The following RBM26 variants were observed in gnomAD, a reference collection of about 807,000 sequenced individuals.
The protein encoded by RBM26 is RNA-binding protein 26.
RBM26 carries 30 observed loss-of-function variants against 123.6 expected under a neutral mutation model. The observed-to-expected ratio is 0.24, with a 90% CI of 0.18 to 0.33. The LOEUF (loss-of-function observed/expected upper bound fraction) is 0.33, where lower values mean the gene tolerates loss of function less well. RBM26 is among the 10% of genes least tolerant of loss of function. The probability of loss-of-function intolerance (pLI) is 1.00; values close to 1 mark genes in which losing one functional copy is unlikely to be tolerated. For synonymous variants in RBM26, 400 were observed against 404.4 expected, an observed-to-expected ratio of 0.99 and a Z score of 0.13; for missense variants, 947 against 1,203.6, an observed-to-expected ratio of 0.79 and a Z score of 3.15.
At chr13:79,340,389 T>C (rs1176564247) in intron 18 of RBM26, among the ~76,000 whole-genome samples, 1 of 152,046 alleles carries the variant, frequency 6.6e-6, no homozygotes, top group Non-Finnish European at 1.5e-5. Flanking sequence ...AATGATCAAG[T>C]TGCCAACAAG....
intron 3 of RBM26, among the ~76,000 whole-genome samples, chr13:79,375,179 A>ATT (rs201481150): frequency 3.4e-4 from 45 of 133,182 alleles, no homozygotes; most frequent in African/African-American, 1.3e-3. Context: ...ATATATATAT[A>ATT]TTTTTTTTTT....
chr13:79,348,954 T>C (rs1043757591), intron 14 of RBM26, among the ~76,000 whole-genome samples: 2 of 152,184 alleles, frequency 1.3e-5, no homozygotes, highest in Non-Finnish European at 2.9e-5. Context: ...AAAAACTGTA[T>C]AGAGATGTCC....
chr13:79,342,630 AAGTAAT>A, intron 17 of RBM26, 28 bp downstream of exon 17: 4 of 1,490,988 alleles, frequency 2.7e-6, no homozygotes, highest in Non-Finnish European at 3.7e-6. Context: ...GCTTGTTAAT[AAGTAAT>A]AATATGAACA....
At chr13:79,350,013 T>C (rs908374430) in intron 14 of RBM26, among the ~76,000 whole-genome samples, 2 of 152,174 alleles carry the variant, frequency 1.3e-5, no homozygotes, top group Non-Finnish European at 2.9e-5. Flanking sequence ...CTAAATCTTT[T>C]AACTAGCAAA....
intron 20 of RBM26, among the ~76,000 whole-genome samples, chr13:79,326,655 C>T (rs954223139): frequency 3.3e-5 from 5 of 152,062 alleles, no homozygotes; most frequent in African/African-American, 1.2e-4. Flanking sequence ...TCATTAGATA[C>T]TGATAGTTTC....
downstream of RBM26, chr13:79,318,763 C>G (rs75669812): frequency 8.7e-5 from 85 of 981,794 alleles, 2 homozygotes; most frequent in East Asian, 6.6e-3. Context: ...AATTATAAAG[C>G]CAAAAATCAG....
chr13:79,386,562 T>C (rs1019864966), intron 1 of RBM26, among the ~76,000 whole-genome samples: 6 of 125,258 alleles, frequency 4.8e-5, no homozygotes, highest in Non-Finnish European at 9.5e-5. Flanking sequence ...ATAATTATGG[T>C]TATACATCAA....
At chr13:79,340,164 T>C (rs1356181785) in intron 18 of RBM26, among the ~76,000 whole-genome samples, 1 of 151,900 alleles carries the variant, frequency 6.6e-6, no homozygotes, top group East Asian at 1.9e-4. Flanking sequence ...TTTCAAACTT[T>C]TTTTTTTCCC....
chr13:79,405,305 G>T (rs527349349), intron 1 of RBM26, among the ~76,000 whole-genome samples: 2 of 152,182 alleles, frequency 1.3e-5, no homozygotes, highest in Non-Finnish European at 2.9e-5. Flanking sequence ...GGTGAAACGT[G>T]AGTGATTTAA....
Position 79,405,849 on chromosome 13 carries a change from C to T in RBM26, c.-75G>A. On this transcript the variant is annotated 5_prime_UTR_variant, in exon 1 of 22. Transcript: ENST00000438737. The stretch of plus-strand genomic sequence containing the variant: ...GCCGCTACAGCCGCCGCTGCCCCCG[C>T]CCCCTCCTCCGCGCGCCGCCCGCGT... 3.4e-6 allele frequency: 3 copies of T among 889,848 alleles called. No homozygotes were observed. Among genetic ancestry groups the T allele is most frequent in the Non-Finnish European group, 4.6e-6 (3 of 654,308 alleles). The allele number at this position is 889,848 out of a possible 1,614,324, so 55.1% of individuals were successfully genotyped here.
At chr13:79,324,967 C>A (rs1353878132) in intron 20 of RBM26, among the ~76,000 whole-genome samples, 1 of 151,966 alleles carries the variant, frequency 6.6e-6, no homozygotes, top group African/African-American at 2.4e-5. Context: ...CACCACAGAA[C>A]AATGTTTTGG....
intron 14 of RBM26, 90 bp downstream of exon 14, chr13:79,353,063 G>GT: frequency 1.4e-6 from 1 of 721,720 alleles, no homozygotes. Context: ...AGAAGCAAGA[G>GT]TTTAGAACTA....
chr13:79,377,279 C>A, intron 3 of RBM26, 100 bp downstream of exon 3: 1 of 971,022 alleles, frequency 1.0e-6, no homozygotes, highest in Non-Finnish European at 1.6e-6. Flanking sequence ...TGGGAGTGGT[C>A]CTGAGGACTC....
At chr13:79,345,896 A>G (rs532467120) in intron 14 of RBM26, among the ~76,000 whole-genome samples, 46 of 152,332 alleles carry the variant, frequency 3.0e-4, no homozygotes, top group African/African-American at 1.1e-3. Context: ...CAAAAGAAAA[A>G]CAGTTTAAGT....
intron 9 of RBM26, among the ~76,000 whole-genome samples, chr13:79,362,199 G>A (rs375520966): frequency 1.1e-4 from 17 of 152,226 alleles, no homozygotes; most frequent in East Asian, 7.7e-4. Context: ...TTCTGTCAAA[G>A]CTGTCCTTCT....
chr13:79,341,964 A>T (rs925098268), intron 17 of RBM26, among the ~76,000 whole-genome samples: 3 of 151,874 alleles, frequency 2.0e-5, no homozygotes, highest in Admixed American at 6.6e-5. Context: ...ATACATTTGA[A>T]TTTTATATTT....
Position 79,337,292 on chromosome 13 carries a change from C to T in RBM26, c.2543G>A (p.Arg848Gln), listed in dbSNP as rs1405359752. Residue 848 changes from arginine (R) to glutamine (Q), a missense_variant, in exon 19 of 22, where the codon CGA becomes CAA. By Grantham distance (43) the Arg-to-Gln change is conservative. Coordinates refer to ENST00000438737, the MANE Select transcript of RBM26 (RefSeq NM_001366735.2). ...YTELQLEAAK[R>Q]GILSSGRGRG... is the part of the protein sequence containing the mutation. The stretch of plus-strand genomic sequence containing the variant: ...GCCCCGACCAGATGAAAGAATCCCT[C>T]GTTTGGCAGCCTAGAAGAGATTAGA... 1.4e-5 allele frequency: 23 copies of T among 1,613,966 alleles called. No individual in the cohort carries two copies. The Admixed American group carries it at 2.3e-4, about 16-fold the overall frequency.
chr13:79,403,933 A>T (rs1024597452), intron 1 of RBM26, among the ~76,000 whole-genome samples: 1 of 152,090 alleles, frequency 6.6e-6, no homozygotes, highest in African/African-American at 2.4e-5. Context: ...CTTTTGCCAT[A>T]CACTTGTTTT....
At position 79,318,955 on chromosome 13, in the gene RBM26, A is replaced by G. The variant is rs993675017; in HGVS notation, c.*1666T>C. On this transcript the variant is annotated 3_prime_UTR_variant, in exon 22 of 22. Coordinates refer to ENST00000438737, the MANE Select transcript of RBM26 (RefSeq NM_001366735.2). ...TCAACATACAAGAGACTACATAAAAATAGATCTTTGATTTAAATATATAAG... is the reference window on the plus strand; with the variant it reads ...TCAACATACAAGAGACTACATAAAAGTAGATCTTTGATTTAAATATATAAG... 46 of 972,750 alleles carry G rather than the reference A, an allele frequency of 4.7e-5. No individual in the cohort carries two copies. The highest frequency in any genetic ancestry group is 5.4e-5 in the Non-Finnish European group (44 of 818,682). 60.3% of individuals were successfully genotyped at this position (972,750 alleles called of 1,614,324 possible). A position where few individuals can be genotyped will look rare whatever the true frequency, so the allele number is the denominator to read the frequency against.
Sources: gnomAD v4.1 joint callset for allele counts (sites outside exome capture counted in the v4.1 genomes callset) on GRCh38, gnomAD v4.1.1 for gene constraint, MANE v1.5 for transcripts, NCBI Gene and HGNC (gene_info 2026-07-23, HGNC 2026-07-21) for gene names.